Variants in TENM4 observed in about 807,000 individuals in gnomAD.
The protein encoded by TENM4 is teneurin transmembrane protein 4.
In TENM4, 82 loss-of-function variants were observed where a neutral mutation model predicts 243.3. The ratio of observed to expected loss-of-function variants is 0.34; its 90% CI spans 0.28 to 0.40. The LOEUF is 0.40. TENM4 is among the 10% of genes least tolerant of loss of function. The pLI is 1.00. For missense variants in TENM4, 3,138 were observed against 3,673.3 expected, an observed-to-expected ratio of 0.85 and a Z score of 3.77; for synonymous variants, 1,412 against 1,456.3, an observed-to-expected ratio of 0.97 and a Z score of 0.69.
chr11:79,015,477 A>AGTGTGT (rs113872101), intron 6 of TENM4, among the ~76,000 whole-genome samples: 25,613 of 147,136 alleles, frequency 0.17, 2,249 homozygotes, highest in Middle Eastern at 0.22. Flanking sequence ...AAAGTCATTT[A>AGTGTGT]GTGTGTGTGT....
intron 1 of TENM4, among the ~76,000 whole-genome samples, chr11:79,377,517 G>A (rs4499030): frequency 0.43 from 65,752 of 152,060 alleles, 14,590 homozygotes; most frequent in African/African-American, 0.54. Flanking sequence ...AGATGGGAGA[G>A]TAACAGTTCG....
At chr11:78,850,255 AC>A (rs1272525702) in intron 12 of TENM4, among the ~76,000 whole-genome samples, 1 of 152,236 alleles carries the variant, frequency 6.6e-6, no homozygotes, top group Non-Finnish European at 1.5e-5. Context: ...GCAAAAACAT[AC>A]ACAATATAGC....
At chr11:79,318,725 T>C (rs544348709) in intron 1 of TENM4, among the ~76,000 whole-genome samples, 1 of 152,348 alleles carries the variant, frequency 6.6e-6, no homozygotes, top group South Asian at 2.1e-4. Context: ...TTAGTCCCTT[T>C]GTTTTTAACA....
chr11:78,702,008 C>T lies in TENM4; in HGVS notation c.4605G>A (p.Lys1535=). The T allele has an allele frequency of 6.2e-7, 1 of 1,613,982 alleles. No homozygotes were observed. The highest frequency in any genetic ancestry group is 2.2e-5 in the East Asian group (1 of 44,890). ...SGDDGYAKDA[K]LNTPSSLAVC... ...CAGCCAAGGAAGATGGGGTATTTAACTTTGCATCCTTGGCATAACCATCGT... is the reference window on the plus strand; with the variant it reads ...CAGCCAAGGAAGATGGGGTATTTAATTTTGCATCCTTGGCATAACCATCGT... The change falls in exon 28 of 34, where the codon AAG becomes AAA. Residue 1535 remains lysine (K), a synonymous_variant. Coordinates refer to ENST00000278550, the MANE Select transcript of TENM4 (RefSeq NM_001098816.3).
At chr11:79,221,973 C>T (rs1020699419) in intron 2 of TENM4, among the ~76,000 whole-genome samples, 2 of 152,188 alleles carry the variant, frequency 1.3e-5, no homozygotes, top group East Asian at 1.9e-4. Context: ...GTTTCCACTC[C>T]GTGTTCTTTC....
At chr11:79,334,278 G>C (rs1468905858) in intron 1 of TENM4, among the ~76,000 whole-genome samples, 2 of 152,188 alleles carry the variant, frequency 1.3e-5, no homozygotes, top group Admixed American at 6.5e-5. Flanking sequence ...GGCCCATCTG[G>C]AGATCCTCAA....
chr11:79,099,280 G>GC (rs1351984214), intron 4 of TENM4, among the ~76,000 whole-genome samples: 1 of 152,084 alleles, frequency 6.6e-6, no homozygotes, highest in African/African-American at 2.4e-5. Flanking sequence ...CAGTGCCTTT[G>GC]CTCCAGACCC....
chr11:79,065,768 G>C (rs968948327), intron 5 of TENM4, among the ~76,000 whole-genome samples: 3 of 152,220 alleles, frequency 2.0e-5, no homozygotes, highest in African/African-American at 4.8e-5. Flanking sequence ...GGGCAGGCCT[G>C]GCAATGCCTA....
chr11:78,941,599 G>C (rs1329941819), intron 6 of TENM4, among the ~76,000 whole-genome samples: 4 of 152,222 alleles, frequency 2.6e-5, no homozygotes, highest in Admixed American at 2.6e-4. Flanking sequence ...GCCGGGGCGG[G>C]GTGGGGTTGG....
chr11:79,396,239 C>A (rs1858342310), intron 1 of TENM4, among the ~76,000 whole-genome samples: 1 of 152,222 alleles, frequency 6.6e-6, no homozygotes, highest in Non-Finnish European at 1.5e-5. Context: ...TATTCTCCCC[C>A]ACTGTATGGT....
chr11:79,365,812 A>G (rs1857666416), intron 1 of TENM4, among the ~76,000 whole-genome samples: 1 of 152,206 alleles, frequency 6.6e-6, no homozygotes, highest in Non-Finnish European at 1.5e-5. Flanking sequence ...CATTGGAGAA[A>G]CCCAGTATGA....
At chr11:78,789,865 G>GT (rs1374405535) in intron 15 of TENM4, among the ~76,000 whole-genome samples, 1 of 152,206 alleles carries the variant, frequency 6.6e-6, no homozygotes, top group African/African-American at 2.4e-5. Flanking sequence ...ACAAAAGACA[G>GT]TAAGACTTGG....
intron 6 of TENM4, among the ~76,000 whole-genome samples, chr11:79,013,834 C>G (rs1294409488): frequency 6.6e-6 from 1 of 152,200 alleles, no homozygotes; most frequent in Non-Finnish European, 1.5e-5. Flanking sequence ...TGCATCCCAG[C>G]CAGAGCCCAG....
At position 79,217,410 on chromosome 11, in the gene TENM4, G is replaced by A. The variant is rs191536076; in HGVS notation, c.-264-1501C>T. 2.6e-5 allele frequency among the ~76,000 whole-genome samples: 4 copies of A among 152,202 alleles called. No homozygotes were observed. In the East Asian group the frequency reaches 7.7e-4, roughly 29 times the overall value. On this transcript the variant is annotated intron_variant, in intron 2 of 33. Transcript: ENST00000278550. ...TGAAGGATACACTTAGGCATAGGAG[G>A]TTAACCCCCAAAAAGCCATTATTTG...
At chr11:79,262,503 A>G (rs1855815499) in intron 2 of TENM4, among the ~76,000 whole-genome samples, 1 of 152,248 alleles carries the variant, frequency 6.6e-6, no homozygotes, top group South Asian at 2.1e-4. Context: ...AACAAATTTT[A>G]TAACTGTAAA....
intron 1 of TENM4, among the ~76,000 whole-genome samples, chr11:79,373,700 C>G (rs955379): frequency 0.17 from 26,404 of 151,964 alleles, 2,671 homozygotes; most frequent in African/African-American, 0.28. Context: ...AAACGTTTTT[C>G]TTAATCTAAA....
At chr11:79,283,136 G>A (rs887157149) in intron 2 of TENM4, among the ~76,000 whole-genome samples, 3 of 151,758 alleles carry the variant, frequency 2.0e-5, no homozygotes, top group Non-Finnish European at 4.4e-5. Context: ...TACAAAAGGA[G>A]GGAATCCTTC....
intron 3 of TENM4, among the ~76,000 whole-genome samples, chr11:79,203,149 A>G (rs2135194923): frequency 6.6e-6 from 1 of 152,342 alleles, no homozygotes; most frequent in Admixed American, 6.5e-5. Flanking sequence ...AGATGTGGAG[A>G]AACTGGAACC....
chr11:78,841,485 C>A (rs1858257866), intron 12 of TENM4, among the ~76,000 whole-genome samples: 1 of 152,158 alleles, frequency 6.6e-6, no homozygotes, highest in African/African-American at 2.4e-5. Flanking sequence ...TACCCTGTAT[C>A]CCACTCCCCT....
Sources: allele counts gnomAD v4.1 joint callset (sites outside exome capture counted in the v4.1 genomes callset), GRCh38; gene constraint gnomAD v4.1.1; transcripts MANE v1.5; gene names NCBI Gene and HGNC (gene_info 2026-07-23, HGNC 2026-07-21).